Variants in ELMO3 observed in about 807,000 individuals in gnomAD.
ELMO3 encodes the protein engulfment and cell motility protein 3.
Under a neutral mutation model 89.0 loss-of-function variants are expected in ELMO3, and 81 were observed. The ratio of observed to expected loss-of-function variants is 0.91; its 90% CI spans 0.76 to 1.09. The LOEUF is 1.09. Ranked by LOEUF, ELMO3 falls within the 50% of genes least tolerant of loss-of-function variation. The pLI is 0.00. For missense variants in ELMO3, 959 were observed against 972.8 expected, an observed-to-expected ratio of 0.99 and a Z score of 0.19; for synonymous variants, 406 against 400.6, an observed-to-expected ratio of 1.01 and a Z score of -0.16.
chr16:67,199,869 C>T, intron 3 of ELMO3, 82 bp from the exon 4 acceptor site: 1 of 1,608,682 alleles, frequency 6.2e-7, no homozygotes, highest in South Asian at 1.1e-5. Context: ...TTATTCACCC[C>T]CAGCCGCCCT....
Position 67,201,452 on chromosome 16 carries a change from CA to C in ELMO3, c.795+18del. On this transcript the variant is annotated intron_variant, in intron 9 of 19. Transcript: ENST00000393997. ...ATCTATAAGGTAGGAAGTGGTGGGC[CA>C]GGGGGACCTCTCTGCCCCTCCCTCC... The C allele has an allele frequency of 6.2e-7, 1 of 1,614,004 alleles. No homozygotes were observed. Among genetic ancestry groups the C allele is most frequent in the South Asian group, 1.1e-5 (1 of 91,084 alleles).
Position 67,200,556 on chromosome 16 carries a change from T to A in ELMO3, c.513+6T>A. On this transcript the variant is annotated splice_donor_region_variant and intron_variant, in intron 6 of 19. Coordinates refer to ENST00000393997, the MANE Select transcript of ELMO3 (RefSeq NM_024712.5). ...GCATCCCCTTTGTGAGGAAGGTGGG[T>A]GGGCTTTCCTAGGGCAGCGGGTGGG... is the stretch of plus-strand genomic sequence containing the variant. The A allele has an allele frequency of 6.2e-7, 1 of 1,613,258 alleles. No homozygotes were observed. The highest frequency in any genetic ancestry group is 8.5e-7 in the Non-Finnish European group (1 of 1,179,786).
chr16:67,200,836 G>A (rs1479898735), intron 7 of ELMO3, 28 bp downstream of exon 7: 2 of 1,613,450 alleles, frequency 1.2e-6, no homozygotes, highest in East Asian at 2.2e-5. Flanking sequence ...GGGTCCAGAT[G>A]CAGGGAGCAG....
At position 67,203,571 on chromosome 16, in the gene ELMO3, C is replaced by T. The variant is rs2033178518; in HGVS notation, c.1938C>T (p.Pro646=). The change falls in exon 19 of 20, where the codon CCC becomes CCT. Residue 646 remains proline (P), a synonymous_variant. Coordinates refer to ENST00000393997, the MANE Select transcript of ELMO3 (RefSeq NM_024712.5). The surrounding 1 kb of genome is among the most constrained non-coding windows in gnomAD (Gnocchi z 4.6). ...EEEAYLNFIA[P]SKREFYLWTD... ...AAGCGTACCTCAACTTCATTGCCCCCTCCAAGCGGGAGGTGAGTGTCCGCC... is the reference window on the plus strand; with the variant it reads ...AAGCGTACCTCAACTTCATTGCCCCTTCCAAGCGGGAGGTGAGTGTCCGCC... 3 of 1,614,024 alleles carry T rather than the reference C, an allele frequency of 1.9e-6. No individual in the cohort carries two copies. The highest frequency in any genetic ancestry group is 2.5e-6 in the Non-Finnish European group (3 of 1,180,030).
At chr16:67,199,432 G>T (rs751369847) in intron 1 of ELMO3, 28 bp downstream of exon 1, 2 of 1,599,474 alleles carry the variant, frequency 1.3e-6, no homozygotes, top group Non-Finnish European at 1.7e-6. Context: ...GCCTCCATCT[G>T]CCCCACTGCC....
rs1476081465 is a variant in ELMO3 at position 67,199,139 on chromosome 16, C to G, written c.-188C>G. 9 of 1,599,208 alleles carry G rather than the reference C, an allele frequency of 5.6e-6. No individual in the cohort carries two copies. The highest frequency in any genetic ancestry group is 1.1e-5 in the South Asian group (1 of 90,794). On this transcript the variant is annotated 5_prime_UTR_variant, in exon 1 of 20. Transcript: ENST00000393997. Reference sequence around the variant, plus strand: ...CCCCCAGACTCCAACCCGGAACTAACCTCGGCTCCCTTGGGAAGGCCGCGT... The same window carrying G: ...CCCCCAGACTCCAACCCGGAACTAAGCTCGGCTCCCTTGGGAAGGCCGCGT...
At chr16:67,201,255 C>T in intron 8 of ELMO3, 130 bp from the exon 9 acceptor site, 1 of 678,574 alleles carries the variant, frequency 1.5e-6, no homozygotes, top group Non-Finnish European at 2.3e-6. Flanking sequence ...GACGGGGTTT[C>T]ACTGTGTTAG....
chr16:67,203,153 C>A lies in ELMO3; in HGVS notation c.1710C>A (p.His570Gln), dbSNP rs1176834063. 2 of 1,612,294 alleles carry A rather than the reference C, an allele frequency of 1.2e-6. No individual in the cohort carries two copies. The highest frequency in any genetic ancestry group is 1.7e-6 in the Non-Finnish European group (2 of 1,179,784). The change falls in exon 17 of 20, where the codon CAC becomes CAA. Residue 570 changes from histidine to glutamine, a missense_variant. Physicochemically the swap from His to Gln is conservative, Grantham distance 24. Transcript: ENST00000393997. This position sits in a 1 kb window ranked among gnomAD's most constrained non-coding sequence, Gnocchi z 4.6. ...GGTTCTGCTGCCTGTCCCCCAACCACAAGCTGCTGCAGTACGGAGACATGG... is the reference window on the plus strand; with the variant it reads ...GGTTCTGCTGCCTGTCCCCCAACCAAAAGCTGCTGCAGTACGGAGACATGG... ...KLWFCCLSPN[H>Q]KLLQYGDMEE...
chr16:67,203,292 G>A lies in ELMO3; in HGVS notation c.1781-35G>A. ...ACCGCCCTGGGCCCCGGGGCTGCCA[G>A]GGCTGCAGTGCTCAGCCCAGCCTTC... is the stretch of plus-strand genomic sequence containing the variant. On this transcript the variant is annotated intron_variant, in intron 17 of 19. Transcript: ENST00000393997. This position sits in a 1 kb window ranked among gnomAD's most constrained non-coding sequence, Gnocchi z 4.6. 1 of 1,588,924 alleles carries A rather than the reference G, an allele frequency of 6.3e-7. No homozygotes were observed. The highest frequency in any genetic ancestry group is 2.3e-5 in the East Asian group (1 of 43,960).
chr16:67,202,575 G>A, intron 14 of ELMO3, 42 bp downstream of exon 14: 2 of 1,612,732 alleles, frequency 1.2e-6, no homozygotes, highest in Non-Finnish European at 1.7e-6. Flanking sequence ...CAGGGCAGGG[G>A]GCTGATCTGG....
Position 67,199,376 on chromosome 16 carries a change from C to T in ELMO3, c.50C>T (p.Ala17Val), listed in dbSNP as rs368560421. Reference sequence around the variant, plus strand: ...AAGATTGCCATCAAGATGCGTGACGCCATCCCGCAGCTCATCCAGCTGGAC... The same window carrying T: ...AAGATTGCCATCAAGATGCGTGACGTCATCCCGCAGCTCATCCAGCTGGAC... ...VVKIAIKMRD[A>V]IPQLIQLDQA... Residue 17 changes from alanine to valine, a missense_variant, in exon 1 of 20, where the codon GCC (alanine) becomes GTC (valine). Coordinates refer to ENST00000393997, the MANE Select transcript of ELMO3 (RefSeq NM_024712.5). 34 of 1,608,364 alleles carry T rather than the reference C, an allele frequency of 2.1e-5. No individual in the cohort carries two copies. Among genetic ancestry groups the T allele is most frequent in the Non-Finnish European group, 2.7e-5 (32 of 1,179,124 alleles).
chr16:67,202,802 G>A lies in ELMO3; in HGVS notation c.1562+12G>A, dbSNP rs762857837. 1.9e-6 allele frequency: 3 copies of A among 1,612,780 alleles called. No homozygotes were observed. The highest frequency in any genetic ancestry group is 1.7e-5 in the Admixed American group (1 of 59,986). On this transcript the variant is annotated intron_variant, in intron 15 of 19. Coordinates refer to ENST00000393997, the MANE Select transcript of ELMO3 (RefSeq NM_024712.5). ...GCTCCCCCTATACTGTGAGTCTGGG[G>A]GGATGGATCCTCAGTCCTAGCCCTA...
chr16:67,203,899 A>G lies in ELMO3; in HGVS notation c.*22A>G. 6.6e-7 allele frequency: 1 copy of G among 1,521,230 alleles called. No individual in the cohort carries two copies. The highest frequency in any genetic ancestry group is 8.8e-7 in the Non-Finnish European group (1 of 1,131,680). The allele number at this position is 1,521,230 out of a possible 1,614,324, so 94.2% of individuals were successfully genotyped here. The stretch of plus-strand genomic sequence containing the variant: ...TTGACAGTGTGGCTGGCCATGGGCC[A>G]CAGCTGCGGCCACTGCAGCAGCCAT... On this transcript the variant is annotated 3_prime_UTR_variant, in exon 20 of 20. Coordinates refer to ENST00000393997, the MANE Select transcript of ELMO3 (RefSeq NM_024712.5). This position sits in a 1 kb window ranked among gnomAD's most constrained non-coding sequence, Gnocchi z 4.6.
Position 67,200,699 on chromosome 16 carries a change from C to T in ELMO3, c.556C>T (p.Pro186Ser), listed in dbSNP as rs1390636241. 1.9e-6 allele frequency: 3 copies of T among 1,613,462 alleles called. No individual in the cohort carries two copies. Among genetic ancestry groups the T allele is most frequent in the Non-Finnish European group, 2.5e-6 (3 of 1,180,016 alleles). Reference sequence around the variant, plus strand: ...CATGAACCTCATGGATGCCTCCGTGCCTCCCCTGGCCCTTGGGCTGCTGGA... The same window carrying T: ...CATGAACCTCATGGATGCCTCCGTGTCTCCCCTGGCCCTTGGGCTGCTGGA... The part of the protein sequence containing the change: ...VNMNLMDASV[P>S]PLALGLLESV... The change falls in exon 7 of 20, where the codon CCT (proline) becomes TCT (serine). Residue 186 changes from proline to serine, a missense_variant. Pro to Ser is a moderately conservative substitution (Grantham distance 74). Coordinates refer to ENST00000393997, the MANE Select transcript of ELMO3 (RefSeq NM_024712.5).
chr16:67,201,109 G>A (rs188170859), intron 8 of ELMO3, 141 bp downstream of exon 8: 32,530 of 1,010,018 alleles, frequency 0.032, 819 homozygotes, highest in South Asian at 0.067. Flanking sequence ...GCAGTGGTGC[G>A]ATCTTGGCTC....
rs2033060441 is a variant in ELMO3, at chr16:67,199,982, T to C, written c.224T>C (p.Leu75Pro). Residue 75 changes from leucine (L) to proline (P), a missense_variant, in exon 4 of 20, where the codon CTG (leucine) becomes CCG (proline). Physicochemically the swap from Leu to Pro is moderately conservative, Grantham distance 98. Coordinates refer to ENST00000393997, the MANE Select transcript of ELMO3 (RefSeq NM_024712.5). ...NRAEIKNGSILCLSTAPDLEA... is the reference protein window; with the variant it reads ...NRAEIKNGSIPCLSTAPDLEA... ...GCGGAGATCAAGAATGGCAGCATCC[T>C]GTGCCTCAGCACGGCCCCAGTAATG... 1.1e-5 allele frequency: 17 copies of C among 1,613,850 alleles called. No homozygotes were observed. Among genetic ancestry groups the C allele is most frequent in the Non-Finnish European group, 1.4e-5 (17 of 1,180,026 alleles).
Position 67,203,194 on chromosome 16 carries a change from C to T in ELMO3, c.1751C>T (p.Pro584Leu), listed in dbSNP as rs780276869. ...GGAGACATGGAGGAGGGCGCCAGCC[C>T]GCCTACCCTGGAGAGTCTGCCCGAG... is the stretch of plus-strand genomic sequence containing the variant. ...QYGDMEEGASPPTLESLPEQL... is the reference protein window; with the variant it reads ...QYGDMEEGASLPTLESLPEQL... Residue 584 changes from proline (P) to leucine (L), a missense_variant, in exon 17 of 20, where the codon CCG (proline) becomes CTG (leucine). By Grantham distance (98) the Pro-to-Leu change is moderately conservative. Transcript: ENST00000393997. The surrounding 1 kb of genome is among the most constrained non-coding windows in gnomAD (Gnocchi z 4.6). 23 of 1,610,652 alleles carry T rather than the reference C, an allele frequency of 1.4e-5. No homozygotes were observed. The highest frequency in any genetic ancestry group is 3.3e-4 in the Middle Eastern group (2 of 6,076).
chr16:67,199,247 A>C lies in ELMO3; in HGVS notation c.-80A>C. The C allele has an allele frequency of 6.2e-7, 1 of 1,611,492 alleles. No homozygotes were observed. Among genetic ancestry groups the C allele is most frequent in the Non-Finnish European group, 8.5e-7 (1 of 1,179,468 alleles). On this transcript the variant is annotated 5_prime_UTR_variant, in exon 1 of 20. Coordinates refer to ENST00000393997, the MANE Select transcript of ELMO3 (RefSeq NM_024712.5). ...GGAAAGGGAGGACCTCCTCGTCCCC[A>C]GGGGCCCCAGGCCAGGTGCACCCTT...
rs1160560111 is a variant in ELMO3 at position 67,203,913 on chromosome 16, T to C, written c.*36T>C. ...GGCCATGGGCCACAGCTGCGGCCAC[T>C]GCAGCAGCCATGAAGGGCAGTGGGT... On this transcript the variant is annotated 3_prime_UTR_variant, in exon 20 of 20. Coordinates refer to ENST00000393997, the MANE Select transcript of ELMO3 (RefSeq NM_024712.5). The surrounding 1 kb of genome is among the most constrained non-coding windows in gnomAD (Gnocchi z 4.6). 25 of 1,488,534 alleles carry C rather than the reference T, an allele frequency of 1.7e-5. No homozygotes were observed. Among genetic ancestry groups the C allele is most frequent in the Admixed American group, 2.0e-5 (1 of 49,474 alleles). 92.2% of individuals were successfully genotyped at this position (1,488,534 alleles called of 1,614,324 possible). A position where few individuals can be genotyped will look rare whatever the true frequency, so the allele number is the denominator to read the frequency against.
Sources: allele counts gnomAD v4.1 joint callset, GRCh38; gene constraint gnomAD v4.1.1; non-coding constraint Gnocchi (gnomAD v3.1); transcripts MANE v1.5; gene names NCBI Gene and HGNC (gene_info 2026-07-23, HGNC 2026-07-21).